FNIP1: variants seen among roughly 807,000 people sequenced by gnomAD.
The protein encoded by FNIP1 is folliculin interacting protein 1.
FNIP1 carries 40 observed loss-of-function variants against 124.5 expected under a neutral mutation model. The observed-to-expected ratio is 0.32, with a 90% CI of 0.25 to 0.42. FNIP1 has a LOEUF of 0.42. Among genes scored for constraint, FNIP1 ranks in the 10% least tolerant of loss-of-function variants. The pLI is 1.00. For missense variants in FNIP1, 1,176 were observed against 1,403.7 expected, an observed-to-expected ratio of 0.84 and a Z score of 2.59; for synonymous variants, 472 against 470.6, an observed-to-expected ratio of 1.00 and a Z score of -0.04.
intron 1 of FNIP1, among the ~76,000 whole-genome samples, chr5:131,784,008 C>A (rs114668977): frequency 6.9e-4 from 97 of 139,962 alleles, no homozygotes; most frequent in Non-Finnish European, 7.4e-4. Flanking sequence ...CTGCCCCCAA[C>A]AAAAAAAAAA....
chr5:131,751,452 T>C (rs574854310), intron 1 of FNIP1, among the ~76,000 whole-genome samples: 6 of 151,972 alleles, frequency 3.9e-5, no homozygotes, highest in African/African-American at 1.4e-4. Context: ...TGAGGGAAGA[T>C]CTTATTCATC....
At chr5:131,675,434 CA>C (rs1413883604) in intron 13 of FNIP1, among the ~76,000 whole-genome samples, 1 of 151,994 alleles carries the variant, frequency 6.6e-6, no homozygotes, top group East Asian at 1.9e-4. Flanking sequence ...AGACAGTCAA[CA>C]AATGATTGTA....
chr5:131,728,918 T>C (rs746967935), intron 3 of FNIP1, among the ~76,000 whole-genome samples: 3 of 152,196 alleles, frequency 2.0e-5, no homozygotes, highest in Non-Finnish European at 4.4e-5. Flanking sequence ...GTTTGTTAGT[T>C]TTCCTTCTAC....
chr5:131,666,949 G>C (rs938946578), intron 15 of FNIP1, among the ~76,000 whole-genome samples: 3 of 152,098 alleles, frequency 2.0e-5, no homozygotes, highest in African/African-American at 7.2e-5. Context: ...GAATGCATTA[G>C]AAGACACAGA....
At position 131,672,690 on chromosome 5, in the gene FNIP1, A is replaced by G. The variant is rs1767799759; in HGVS notation, c.1754T>C (p.Leu585Pro). 1 of 1,614,058 alleles carries G rather than the reference A, an allele frequency of 6.2e-7. No homozygotes were observed. ...KGEIEESEYV[L>P]VTMHRNKSSL... ...GCTTTTGTTTCTATGCATTGTGACA[A>G]GGACATACTCTGATTCTTCTATTTC... The change falls in exon 14 of 18, where the codon CTT becomes CCT. Residue 585 changes from leucine to proline, a missense_variant. This residue lies in a region of FNIP1 where 1,109 missense variants were observed against 1,288.5 expected (regional missense o/e 0.86). Coordinates refer to ENST00000510461, the MANE Select transcript of FNIP1 (RefSeq NM_133372.3).
intron 2 of FNIP1, among the ~76,000 whole-genome samples, chr5:131,738,111 C>A (rs549612838): frequency 8.9e-4 from 135 of 152,268 alleles, no homozygotes; most frequent in African/African-American, 3.2e-3. Flanking sequence ...ATTGCCCAGG[C>A]TGGCCTCAAA....
chr5:131,738,708 G>A (rs1029459793), intron 2 of FNIP1, among the ~76,000 whole-genome samples: 18 of 151,644 alleles, frequency 1.2e-4, no homozygotes, highest in East Asian at 3.9e-4. Context: ...GTTTCACCAC[G>A]TTGGCCAGGC....
chr5:131,647,167 G>A lies in FNIP1; in HGVS notation c.3345C>T (p.Tyr1115=). 1.2e-6 allele frequency: 2 copies of A among 1,614,156 alleles called. No individual in the cohort carries two copies. The highest frequency in any genetic ancestry group is 1.7e-6 in the Non-Finnish European group (2 of 1,179,990). The change falls in exon 17 of 18, where the codon TAC becomes TAT. Residue 1115 remains tyrosine (Y), a synonymous_variant. Coordinates refer to ENST00000510461, the MANE Select transcript of FNIP1 (RefSeq NM_133372.3). ...ATTCAGACAGCATTTTACTTTTGAAGTATAGCTCCTGCAACCGGTCTTCAA... is the reference window on the plus strand; with the variant it reads ...ATTCAGACAGCATTTTACTTTTGAAATATAGCTCCTGCAACCGGTCTTCAA... ...MHLEDRLQEL[Y]FKSKMLSEYL...
At chr5:131,737,505 C>T (rs193008515) in intron 2 of FNIP1, among the ~76,000 whole-genome samples, 61 of 152,306 alleles carry the variant, frequency 4.0e-4, no homozygotes, top group Middle Eastern at 3.4e-3. Context: ...TCCTCTTTCA[C>T]CTTAACTCTT....
chr5:131,786,588 C>T (rs551034261), intron 1 of FNIP1, among the ~76,000 whole-genome samples: 6 of 152,112 alleles, frequency 3.9e-5, no homozygotes, highest in Non-Finnish European at 8.8e-5. Flanking sequence ...AATGTGTCCC[C>T]GAAGTTCACA....
At chr5:131,753,817 ATTT>A (rs930980214) in intron 1 of FNIP1, among the ~76,000 whole-genome samples, 1 of 145,052 alleles carries the variant, frequency 6.9e-6, no homozygotes, top group Non-Finnish European at 1.5e-5. Context: ...ATTAAAACAG[ATTT>A]TTTTTTTTTT....
At chr5:131,719,549 G>A in intron 3 of FNIP1, 132 bp from the exon 4 acceptor site, 1 of 678,522 alleles carries the variant, frequency 1.5e-6, no homozygotes, top group Non-Finnish European at 2.3e-6. Flanking sequence ...TGTATACGCT[G>A]TTCTGCAACT....
At position 131,672,613 on chromosome 5, in the gene FNIP1, TAC is replaced by T. The variant is rs1561647534; in HGVS notation, c.1829_1830del (p.Cys610Ter). 1 of 1,614,214 alleles carries T rather than the reference TAC, an allele frequency of 6.2e-7. No individual in the cohort carries two copies. The highest frequency in any genetic ancestry group is 8.5e-7 in the Non-Finnish European group (1 of 1,180,030). ...SEEIRTPNCN[C>X]KYCSHPLLGQ... ...CCAAGGAGTGGATGACTGCAATATTTACAGTTACAATTGGGAGTTCTAATTTC... is the reference window on the plus strand; with the variant it reads ...CCAAGGAGTGGATGACTGCAATATTTAGTTACAATTGGGAGTTCTAATTTC... On this transcript the variant is annotated frameshift_variant, in exon 14 of 18. Transcript: ENST00000510461. LOFTEE classifies it high-confidence loss of function.
intron 16 of FNIP1, among the ~76,000 whole-genome samples, chr5:131,649,470 G>T (rs552433140): frequency 1.3e-5 from 2 of 152,034 alleles, no homozygotes; most frequent in Admixed American, 1.3e-4. Context: ...TTGGCAAAAC[G>T]TCTATTCAAG....
At chr5:131,681,396 G>T (rs1580750250) in intron 11 of FNIP1, among the ~76,000 whole-genome samples, 1 of 152,080 alleles carries the variant, frequency 6.6e-6, no homozygotes, top group East Asian at 1.9e-4. Context: ...CCTACAGTTT[G>T]TTACCTCATT....
At chr5:131,721,689 G>A (rs565540804) in intron 3 of FNIP1, among the ~76,000 whole-genome samples, 137 of 152,256 alleles carry the variant, frequency 9.0e-4, no homozygotes, top group Middle Eastern at 3.4e-3. Flanking sequence ...TCCCAGCTAC[G>A]CGGGAGGCTG....
chr5:131,719,459 G>C (rs765668596), intron 3 of FNIP1, 42 bp from the exon 4 acceptor site: 3 of 1,510,916 alleles, frequency 2.0e-6, no homozygotes, highest in Non-Finnish European at 2.7e-6. Context: ...TTAATTAAAA[G>C]CTTATGACTA....
intron 2 of FNIP1, among the ~76,000 whole-genome samples, chr5:131,738,578 T>C (rs556430752): frequency 3.3e-5 from 5 of 152,226 alleles, no homozygotes; most frequent in African/African-American, 9.6e-5. Flanking sequence ...TGGCTCACTG[T>C]AGCCACCGCC....
chr5:131,733,259 T>A (rs1166688170), intron 2 of FNIP1, among the ~76,000 whole-genome samples: 3 of 152,218 alleles, frequency 2.0e-5, no homozygotes, highest in Admixed American at 6.5e-5. Flanking sequence ...AGATACACAA[T>A]CATGTCATCT....
Sources: gnomAD v4.1 joint callset for allele counts (sites outside exome capture counted in the v4.1 genomes callset) on GRCh38, gnomAD v4.1.1 for gene constraint, gnomAD v4.1.1 regional missense constraint, MANE v1.5 for transcripts, NCBI Gene and HGNC (gene_info 2026-07-23, HGNC 2026-07-21) for gene names.